Variants in FAM107B observed in about 807,000 individuals in gnomAD.
FAM107B encodes family with sequence similarity 107 member B.
In FAM107B, 21 loss-of-function variants were observed where a neutral mutation model predicts 31.5. The ratio of observed to expected loss-of-function variants is 0.67; its 90% confidence interval spans 0.47 to 0.96. FAM107B has a LOEUF of 0.96. Ranked by LOEUF, FAM107B falls within the 40% of genes least tolerant of loss-of-function variation. The probability of loss-of-function intolerance (pLI) is 0.00; values close to 1 mark genes in which losing one functional copy is unlikely to be tolerated. For missense variants in FAM107B, 452 were observed against 377.1 expected, an observed-to-expected ratio of 1.20 and a Z score of -1.64; for synonymous variants, 157 against 141.5, an observed-to-expected ratio of 1.11 and a Z score of -0.78.
chr10:14,668,276 C>A (rs1465460629), intron 1 of FAM107B, among the ~76,000 whole-genome samples: 1 of 152,106 alleles, frequency 6.6e-6, no homozygotes, highest in Non-Finnish European at 1.5e-5. Context: ...ATCTCCTGAC[C>A]TCATGATCTG....
intron 2 of FAM107B, among the ~76,000 whole-genome samples, chr10:14,641,979 G>C (rs1853639613): frequency 6.6e-6 from 1 of 152,168 alleles, no homozygotes; most frequent in Non-Finnish European, 1.5e-5. Flanking sequence ...TGAAATTTGA[G>C]GTACAATTTA....
At chr10:14,629,543 C>T (rs1316508721) in intron 2 of FAM107B, among the ~76,000 whole-genome samples, 2 of 134,386 alleles carry the variant, frequency 1.5e-5, no homozygotes, top group South Asian at 2.2e-4. Flanking sequence ...GATGAAGACT[C>T]GCTCTGTCGC....
intron 1 of FAM107B, among the ~76,000 whole-genome samples, chr10:14,761,176 A>G (rs1833039898): frequency 6.6e-6 from 1 of 152,192 alleles, no homozygotes; most frequent in Admixed American, 6.5e-5. Context: ...GTCTAACTTT[A>G]AAGTGTTAAA....
intron 2 of FAM107B, among the ~76,000 whole-genome samples, chr10:14,582,327 G>T (rs1851660472): frequency 6.7e-6 from 1 of 149,988 alleles, no homozygotes. Context: ...GCATCGAAGT[G>T]TAAGTTATTG....
At chr10:14,638,342 T>C (rs1053956035) in intron 2 of FAM107B, among the ~76,000 whole-genome samples, 2 of 152,150 alleles carry the variant, frequency 1.3e-5, no homozygotes, top group African/African-American at 4.8e-5. Flanking sequence ...TCCTCCATAT[T>C]GCTAGAAGTG....
At chr10:14,656,344 A>C (rs983225765) in intron 2 of FAM107B, among the ~76,000 whole-genome samples, 3 of 152,272 alleles carry the variant, frequency 2.0e-5, no homozygotes, top group Non-Finnish European at 4.4e-5. Flanking sequence ...TCAGGAAAAC[A>C]TGGGTAAATT....
chr10:14,553,296 G>A (rs982806508), intron 2 of FAM107B: 16 of 1,203,618 alleles, frequency 1.3e-5, no homozygotes, highest in African/African-American at 1.6e-5. Context: ...AAAGATGACC[G>A]AGACAGTAAA....
chr10:14,586,926 T>C (rs894676348), intron 2 of FAM107B, among the ~76,000 whole-genome samples: 1 of 152,176 alleles, frequency 6.6e-6, no homozygotes, highest in Admixed American at 6.5e-5. Context: ...GAGGATGATA[T>C]AGGTGAAACA....
chr10:14,532,451 T>C (rs115068014), intron 2 of FAM107B: 402 of 152,328 alleles, frequency 2.6e-3, no homozygotes, highest in African/African-American at 8.9e-3. Context: ...TAAATATCAC[T>C]CCATGATTAG....
In FAM107B at chr10:14,767,055, T is replaced by TATATATAG. The variant is rs1440609298; in HGVS notation, c.411+7197_411+7198insCTATATAT. On this transcript the variant is annotated intron_variant, in intron 1 of 4. Transcript: ENST00000181796. ...ATATATATATATATATATATATATA[T>TATATATAG]AGAGAGAGAGAGAGAGAGAGAGAGA... 1.1e-3 allele frequency among the ~76,000 whole-genome samples: 20 copies of TATATATAG among 18,272 alleles called. 1 individual carries two copies. The highest frequency in any genetic ancestry group is 1.7e-3 in the African/African-American group (11 of 6,506). The allele number at this position is 18,272 out of a possible 152,430, so 12.0% of individuals were successfully genotyped here.
chr10:14,596,290 A>T (rs903491443), intron 2 of FAM107B, among the ~76,000 whole-genome samples: 1 of 152,154 alleles, frequency 6.6e-6, no homozygotes, highest in Non-Finnish European at 1.5e-5. Context: ...TTGTCTTTAC[A>T]GCACTGACCA....
At chr10:14,733,511 AGTCT>A (rs1564278936) in intron 1 of FAM107B, among the ~76,000 whole-genome samples, 1 of 152,236 alleles carries the variant, frequency 6.6e-6, no homozygotes, top group African/African-American at 2.4e-5. Flanking sequence ...GAGTGACACC[AGTCT>A]GTCTGTCTCA....
intron 2 of FAM107B, among the ~76,000 whole-genome samples, chr10:14,559,267 C>T (rs911158627): frequency 1.4e-4 from 21 of 152,350 alleles, no homozygotes; most frequent in Admixed American, 8.5e-4. Flanking sequence ...ATTTGGTGGA[C>T]CATCTCTTCT....
rs202049725 is a variant in FAM107B, at chr10:14,728,392, G to C, written c.411+45861C>G. On this transcript the variant is annotated intron_variant, in intron 1 of 4. Transcript: ENST00000181796. ...TCCAGCGGTAGAAATTACTATTTTT[G>C]AAAATAAAGCCAGTGAGAAAATAAA... Among the ~76,000 whole-genome samples, 13 of 150,976 alleles carry C rather than the reference G, an allele frequency of 8.6e-5. No homozygotes were observed. In the East Asian group the frequency reaches 2.1e-3, roughly 25 times the overall value.
chr10:14,556,602 C>G (rs1849721719), intron 2 of FAM107B, among the ~76,000 whole-genome samples: 1 of 152,226 alleles, frequency 6.6e-6, no homozygotes, highest in South Asian at 2.1e-4. Context: ...CCTGGTCCAT[C>G]TAGGCCACAA....
At chr10:14,529,102 C>T (rs1846653326) in intron 3 of FAM107B, among the ~76,000 whole-genome samples, 1 of 152,190 alleles carries the variant, frequency 6.6e-6, no homozygotes, top group Admixed American at 6.5e-5. Flanking sequence ...GAGCTTTCCA[C>T]CAAAATGAAG....
At chr10:14,708,524 G>A (rs1035441882) in intron 1 of FAM107B, among the ~76,000 whole-genome samples, 4 of 152,100 alleles carry the variant, frequency 2.6e-5, no homozygotes, top group Admixed American at 1.3e-4. Context: ...CCAGGGAAAC[G>A]CCTTGAGACC....
intron 1 of FAM107B, among the ~76,000 whole-genome samples, chr10:14,769,977 A>T (rs1403582515): frequency 6.6e-6 from 1 of 152,170 alleles, no homozygotes; most frequent in African/African-American, 2.4e-5. Context: ...GAACAGAAAA[A>T]GATCGAAGCC....
At chr10:14,597,647 T>C (rs1366751000) in intron 2 of FAM107B, among the ~76,000 whole-genome samples, 2 of 152,154 alleles carry the variant, frequency 1.3e-5, no homozygotes, top group Admixed American at 6.5e-5. Flanking sequence ...GCCGGCTGCA[T>C]TACTAACACT....
Sources: allele counts gnomAD v4.1 joint callset (sites outside exome capture counted in the v4.1 genomes callset), GRCh38; gene constraint gnomAD v4.1.1; transcripts MANE v1.5; gene names NCBI Gene and HGNC (gene_info 2026-07-23, HGNC 2026-07-21).